The following CATSPERT variants were observed in gnomAD, a reference collection of about 807,000 sequenced individuals.
The protein encoded by CATSPERT is catsper channel auxiliary subunit tau, also known as cation channel sperm-associated targeting subunit tau.
At chr2:201,547,627 G>A in the CATSPERT span, 2 of 1,369,686 alleles carry the variant, frequency 1.5e-6, no homozygotes, top group Non-Finnish European at 9.9e-7. Context: ...AAAGAAATAA[G>A]TTATGAATGA....
the CATSPERT span, chr2:201,491,356 G>T: frequency 6.5e-7 from 1 of 1,537,284 alleles, no homozygotes; most frequent in Non-Finnish European, 8.7e-7. Context: ...AAATAATTCT[G>T]GGAAGAGGTG....
the CATSPERT span, among the ~76,000 whole-genome samples, chr2:201,548,525 T>C: frequency 3.9e-5 from 6 of 151,946 alleles, no homozygotes; most frequent in African/African-American, 1.5e-4. Context: ...CATAACACTA[T>C]ATATATATAA....
At chr2:201,500,986 A>T in the CATSPERT span, among the ~76,000 whole-genome samples, 1 of 152,196 alleles carries the variant, frequency 6.6e-6, no homozygotes, top group Non-Finnish European at 1.5e-5. Flanking sequence ...AGAAATTACA[A>T]GAAAAATTAG....
the CATSPERT span, among the ~76,000 whole-genome samples, chr2:201,588,270 CA>C: frequency 6.6e-6 from 1 of 152,018 alleles, no homozygotes; most frequent in African/African-American, 2.4e-5. Flanking sequence ...CTGAATTTAG[CA>C]GCAGATCAAA....
chr2:201,517,102 CTT>C, the CATSPERT span, among the ~76,000 whole-genome samples: 1 of 152,076 alleles, frequency 6.6e-6, no homozygotes, highest in African/African-American at 2.4e-5. Flanking sequence ...AACCATAAAA[CTT>C]TGTGTCCTTC....
chr2:201,567,157 C>T, the CATSPERT span, among the ~76,000 whole-genome samples: 1 of 152,186 alleles, frequency 6.6e-6, no homozygotes, highest in Non-Finnish European at 1.5e-5. Context: ...TATGCTCTTT[C>T]TTAAGTGTTC....
chr2:201,607,796 A>G, the CATSPERT span, among the ~76,000 whole-genome samples: 1 of 152,292 alleles, frequency 6.6e-6, no homozygotes, highest in East Asian at 1.9e-4. Flanking sequence ...GTGCCTCAGA[A>G]TGTCATTGTA....
At chr2:201,494,455 T>C in the CATSPERT span, 12 of 1,537,584 alleles carry the variant, frequency 7.8e-6, no homozygotes, top group Non-Finnish European at 1.0e-5. Context: ...TGGTAGATTT[T>C]CTTTTAAACT....
At chr2:201,520,213 G>A in the CATSPERT span, among the ~76,000 whole-genome samples, 4 of 152,232 alleles carry the variant, frequency 2.6e-5, no homozygotes, top group South Asian at 6.2e-4. Flanking sequence ...GCTCCAATAC[G>A]ATAATAGATG....
At chr2:201,581,565 T>C in the CATSPERT span, among the ~76,000 whole-genome samples, 26 of 71,488 alleles carry the variant, frequency 3.6e-4, 5 homozygotes, top group East Asian at 3.0e-3. Context: ...TATATATATA[T>C]ATATATATAT....
At chr2:201,511,196 A>C in the CATSPERT span, among the ~76,000 whole-genome samples, 1 of 152,220 alleles carries the variant, frequency 6.6e-6, no homozygotes, top group Non-Finnish European at 1.5e-5. Context: ...GCAAATTAGC[A>C]TATCTATTTT....
At chr2:201,545,318 T>G in the CATSPERT span, among the ~76,000 whole-genome samples, 2 of 152,108 alleles carry the variant, frequency 1.3e-5, no homozygotes, top group African/African-American at 2.4e-5. Context: ...ATTACAGGCA[T>G]GAGCCACCGT....
chr2:201,575,264 T>C, the CATSPERT span: 1 of 1,566,868 alleles, frequency 6.4e-7, no homozygotes, highest in Non-Finnish European at 8.6e-7. Flanking sequence ...ACTTAGGAAG[T>C]TTCAGTAAAG....
At chr2:201,549,039 A>G in the CATSPERT span, among the ~76,000 whole-genome samples, 1 of 152,094 alleles carries the variant, frequency 6.6e-6, no homozygotes, top group Admixed American at 6.6e-5. Context: ...TGAAAACATC[A>G]GAAGTGTGAA....
the CATSPERT span, chr2:201,534,560 G>A: frequency 3.1e-5 from 30 of 982,524 alleles, no homozygotes; most frequent in Non-Finnish European, 3.6e-5. Flanking sequence ...CAAAAAAATG[G>A]ACAAAGGACA....
At chr2:201,583,911 T>G in the CATSPERT span, among the ~76,000 whole-genome samples, 6 of 152,142 alleles carry the variant, frequency 3.9e-5, no homozygotes, top group Non-Finnish European at 7.4e-5. Context: ...AAAAATGATT[T>G]AACAAACCTA....
At chr2:201,529,176 A>G in the CATSPERT span, among the ~76,000 whole-genome samples, 3 of 152,182 alleles carry the variant, frequency 2.0e-5, no homozygotes, top group African/African-American at 4.8e-5. Context: ...ATACTACCCA[A>G]TGCAGTCTAC....
At chr2:201,612,888 A>C in the CATSPERT span, among the ~76,000 whole-genome samples, 1 of 152,228 alleles carries the variant, frequency 6.6e-6, no homozygotes, top group Non-Finnish European at 1.5e-5. Context: ...AGCAAACGGC[A>C]CACCAGGACA....
At chr2:201,561,087 A>C in the CATSPERT span, among the ~76,000 whole-genome samples, 30 of 152,336 alleles carry the variant, frequency 2.0e-4, no homozygotes, top group South Asian at 6.2e-3. Flanking sequence ...GGCCAGCCTC[A>C]TGAATTCAAT....
Sources: gnomAD v4.1 joint callset for allele counts (sites outside exome capture counted in the v4.1 genomes callset) on GRCh38, gnomAD v4.1.1 for gene constraint, MANE v1.5 for transcripts, NCBI Gene and HGNC (gene_info 2026-07-23, HGNC 2026-07-21) for gene names.